The following DPP10 variants were observed in gnomAD, a reference collection of about 807,000 sequenced individuals.
DPP10 encodes dipeptidyl peptidase like 10.
A neutral mutation model predicts 120.9 loss-of-function variants in DPP10; 33 were observed. The ratio of observed to expected loss-of-function variants is 0.27; its 90% CI spans 0.21 to 0.37. DPP10 has a LOEUF of 0.37. Among genes scored for constraint, DPP10 ranks in the 10% least tolerant of loss-of-function variants. The probability of loss-of-function intolerance (pLI) is 1.00; values close to 1 mark genes in which losing one functional copy is unlikely to be tolerated. For missense variants in DPP10, 816 were observed against 942.8 expected (o/e 0.87, Z 1.76); for synonymous variants, 337 against 326.1 (o/e 1.03, Z -0.36).
intron 1 of DPP10, among the ~76,000 whole-genome samples, chr2:114,460,416 A>G (rs1437646118): frequency 6.6e-6 from 1 of 152,138 alleles, no homozygotes; most frequent in African/African-American, 2.4e-5. Context: ...TTTAATTACA[A>G]TTACTTCCTA....
At chr2:114,468,983 G>A (rs1573417080) in intron 1 of DPP10, among the ~76,000 whole-genome samples, 2 of 152,262 alleles carry the variant, frequency 1.3e-5, no homozygotes, top group South Asian at 4.1e-4. Context: ...AATGAAAATG[G>A]GCTTCCTAAT....
intron 1 of DPP10, among the ~76,000 whole-genome samples, chr2:114,914,100 T>C (rs1327359223): frequency 2.0e-5 from 3 of 152,194 alleles, no homozygotes; most frequent in African/African-American, 7.2e-5. Flanking sequence ...CTATGATTCA[T>C]TGGCATCCTA....
At chr2:115,712,741 C>A (rs184457727) in intron 7 of DPP10, among the ~76,000 whole-genome samples, 2,226 of 150,438 alleles carry the variant, frequency 0.015, 36 homozygotes, top group Non-Finnish European at 0.018. Context: ...AATCAAACCG[C>A]TACAAAATTT....
intron 5 of DPP10, among the ~76,000 whole-genome samples, chr2:115,619,181 C>T (rs1232639683): frequency 2.1e-5 from 3 of 143,044 alleles, no homozygotes; most frequent in African/African-American, 5.4e-5. Flanking sequence ...AGCGTGATCT[C>T]GGCTCACTGC....
chr2:115,672,351 G>C (rs1052118665), intron 5 of DPP10, among the ~76,000 whole-genome samples: 2 of 151,946 alleles, frequency 1.3e-5, no homozygotes, highest in South Asian at 2.1e-4. Context: ...ACCTAATCAG[G>C]TCATTTTGTT....
At chr2:115,337,513 G>T (rs10864938) in intron 2 of DPP10, among the ~76,000 whole-genome samples, 62 of 151,606 alleles carry the variant, frequency 4.1e-4, no homozygotes, top group African/African-American at 1.4e-3. Context: ...CTAGTTACGT[G>T]GTCTTTGTCA....
At chr2:114,956,997 A>G (rs1013010248) in intron 1 of DPP10, among the ~76,000 whole-genome samples, 2 of 151,506 alleles carry the variant, frequency 1.3e-5, no homozygotes, top group African/African-American at 2.4e-5. Context: ...AAAAAAAAAA[A>G]AAAAGAGAAA....
chr2:114,870,183 T>C (rs1012276393), intron 1 of DPP10, among the ~76,000 whole-genome samples: 2 of 152,184 alleles, frequency 1.3e-5, no homozygotes, highest in Admixed American at 6.5e-5. Context: ...CTGACTTCAA[T>C]TCATTTTCCA....
chr2:115,808,905 G>A (rs1174363011), intron 19 of DPP10, among the ~76,000 whole-genome samples: 1 of 152,174 alleles, frequency 6.6e-6, no homozygotes, highest in Non-Finnish European at 1.5e-5. Flanking sequence ...CTAGGAGATA[G>A]GGTCTTGGTA....
At chr2:115,171,738 A>C (rs1032003268) in intron 1 of DPP10, among the ~76,000 whole-genome samples, 6 of 152,100 alleles carry the variant, frequency 3.9e-5, no homozygotes, top group African/African-American at 7.2e-5. Flanking sequence ...ACAAAAAAAA[A>C]ACAAGTTTTA....
At chr2:114,512,592 G>C (rs1199024930) in intron 1 of DPP10, among the ~76,000 whole-genome samples, 1 of 152,200 alleles carries the variant, frequency 6.6e-6, no homozygotes, top group Non-Finnish European at 1.5e-5. Context: ...CGCAGGCACA[G>C]ATGAAAGGAA....
intron 1 of DPP10, among the ~76,000 whole-genome samples, chr2:114,931,501 G>A (rs1696065754): frequency 6.6e-6 from 1 of 152,138 alleles, no homozygotes; most frequent in Admixed American, 6.5e-5. Context: ...ACTGCACTGA[G>A]CCAGGCCAAG....
intron 3 of DPP10, among the ~76,000 whole-genome samples, chr2:115,378,678 T>A (rs1198393684): frequency 6.6e-6 from 1 of 152,012 alleles, no homozygotes; most frequent in African/African-American, 2.4e-5. Context: ...AGTATGATAT[T>A]GGCTGTGGGT....
rs190887482 is a variant in DPP10, at chr2:115,138,127, T to C, written c.61-171112T>C. Reference sequence around the variant, plus strand: ...TTATATGCACAGATACTTGCACTGCTTCATTTCCTCTCTACATGGGGGTCT... The same window carrying C: ...TTATATGCACAGATACTTGCACTGCCTCATTTCCTCTCTACATGGGGGTCT... On this transcript the variant is annotated intron_variant, in intron 1 of 25. Coordinates refer to ENST00000410059, the MANE Select transcript of DPP10 (RefSeq NM_020868.6). Among the ~76,000 whole-genome samples, 655 of 152,302 alleles carry C rather than the reference T, an allele frequency of 4.3e-3. 5 individuals carry two copies. The highest frequency in any genetic ancestry group is 0.013 in the South Asian group (64 of 4,828).
At position 114,971,058 on chromosome 2, in the gene DPP10, C is replaced by G. The variant is rs116746961; in HGVS notation, c.61-338181C>G. Among the ~76,000 whole-genome samples, 1,335 of 152,270 alleles carry G rather than the reference C, an allele frequency of 8.8e-3. 17 individuals carry two copies. The highest frequency in any genetic ancestry group is 0.03 in the African/African-American group (1,267 of 41,550). ...TGTGTTTTATAAACATAACTCAGCTCAATACATACCCGATTGAAATAAAAG... is the reference window on the plus strand; with the variant it reads ...TGTGTTTTATAAACATAACTCAGCTGAATACATACCCGATTGAAATAAAAG... On this transcript the variant is annotated intron_variant, in intron 1 of 25. Transcript: ENST00000410059.
At chr2:115,539,554 A>T (rs1377827362) in intron 5 of DPP10, among the ~76,000 whole-genome samples, 1 of 151,964 alleles carries the variant, frequency 6.6e-6, no homozygotes, top group Admixed American at 6.6e-5. Context: ...GTTTTCCATT[A>T]ATCCAAGAAG....
chr2:115,717,006 T>A (rs951357406), intron 7 of DPP10, among the ~76,000 whole-genome samples: 1 of 152,178 alleles, frequency 6.6e-6, no homozygotes, highest in African/African-American at 2.4e-5. Context: ...ATACAAAGAG[T>A]TACAATACAA....
chr2:115,040,881 G>A (rs1422864218), intron 1 of DPP10, among the ~76,000 whole-genome samples: 1 of 152,114 alleles, frequency 6.6e-6, no homozygotes, highest in African/African-American at 2.4e-5. Context: ...CACTTTGGGA[G>A]GCTGAGGCAG....
chr2:114,618,376 C>T (rs972965797), intron 1 of DPP10, among the ~76,000 whole-genome samples: 1 of 152,160 alleles, frequency 6.6e-6, no homozygotes, highest in South Asian at 2.1e-4. Flanking sequence ...ACACAGGTCT[C>T]TCTCTCAACA....
Sources: allele counts gnomAD v4.1 joint callset (sites outside exome capture counted in the v4.1 genomes callset), GRCh38; gene constraint gnomAD v4.1.1; transcripts MANE v1.5; gene names NCBI Gene and HGNC (gene_info 2026-07-23, HGNC 2026-07-21).